Variants in AGFG2 observed in about 807,000 individuals in gnomAD.
AGFG2 encodes the protein arf-GAP domain and FG repeat-containing protein 2.
A neutral mutation model predicts 48.0 loss-of-function variants in AGFG2; 31 were observed. The observed-to-expected ratio is 0.65, with a 90% CI of 0.49 to 0.87. The LOEUF (loss-of-function observed/expected upper bound fraction) is 0.87. AGFG2 is among the 40% of genes least tolerant of loss of function. AGFG2 has a pLI of 0.00. For synonymous variants in AGFG2, 229 were observed against 260.8 expected (o/e 0.88, Z 1.18); for missense variants, 599 against 632.6 (o/e 0.95, Z 0.57).
chr7:100,565,150 G>T lies in AGFG2; in HGVS notation c.*159G>T. 1.2e-6 allele frequency: 1 copy of T among 831,094 alleles called. No homozygotes were observed. The highest frequency in any genetic ancestry group is 2.0e-6 in the Non-Finnish European group (1 of 506,164). 51.5% of individuals were successfully genotyped at this position (831,094 alleles called of 1,614,324 possible). ...TACAGGTGAAAGGTGGCTGCCCTCA[G>T]ATTCCACAAAGCCTCTCTCCCCTCC... On this transcript the variant is annotated 3_prime_UTR_variant, in exon 12 of 12. Coordinates refer to ENST00000300176, the MANE Select transcript of AGFG2 (RefSeq NM_006076.5).
intron 1 of AGFG2, among the ~76,000 whole-genome samples, chr7:100,541,869 A>G (rs1236904021): frequency 6.6e-6 from 1 of 152,194 alleles, no homozygotes; most frequent in Non-Finnish European, 1.5e-5. Flanking sequence ...ACTGATGGAT[A>G]AAATTGAGTA....
Position 100,564,243 on chromosome 7 carries a change from A to T in AGFG2, c.1326A>T (p.Ser442=), listed in dbSNP as rs750251491. The T allele has an allele frequency of 6.2e-7, 1 of 1,613,534 alleles. No individual in the cohort carries two copies. Among genetic ancestry groups the T allele is most frequent in the Non-Finnish European group, 8.5e-7 (1 of 1,179,794 alleles). ...QNGSSFGDLG[S]AKLGQRPLSQ... ...GCTCTTCCTTCGGGGACTTAGGATC[A>T]GCCAAGTTGGGGCAGAGGCCACTGA... Residue 442 remains serine, a synonymous_variant, in exon 11 of 12, where the codon TCA becomes TCT. Transcript: ENST00000300176.
In AGFG2 at chr7:100,550,414, T is replaced by C. The variant is rs556715227; in HGVS notation, c.334T>C (p.Leu112=). Residue 112 remains leucine (L), a synonymous_variant, in exon 3 of 12, where the codon TTG becomes CTG. Coordinates refer to ENST00000300176, the MANE Select transcript of AGFG2 (RefSeq NM_006076.5). ...CTTTTAGGTTTGCCGGAAGATTTGGTTGGGTCTGTTTGATGCTCGGACATC... is the reference window on the plus strand; with the variant it reads ...CTTTTAGGTTTGCCGGAAGATTTGGCTGGGTCTGTTTGATGCTCGGACATC... ...RGNEVCRKIW[L]GLFDARTSLV... The C allele has an allele frequency of 3.9e-5, 63 of 1,613,628 alleles. No individual in the cohort carries two copies. The highest frequency in any genetic ancestry group is 5.3e-5 in the Non-Finnish European group (62 of 1,179,828).
In AGFG2 at chr7:100,565,968, A is replaced by G. The variant is rs902957170; in HGVS notation, c.*977A>G. The G allele has an allele frequency of 6.6e-5, 10 of 151,866 alleles. No individual in the cohort carries two copies. Among genetic ancestry groups the G allele is most frequent in the Admixed American group, 5.9e-4 (9 of 15,180 alleles). 9.4% of individuals were successfully genotyped at this position (151,866 alleles called of 1,614,324 possible). A position where few individuals can be genotyped will look rare whatever the true frequency, so the allele number is the denominator to read the frequency against. ...CAAAGCTCATTGCAGGCAATGTTGGAAAAGAACTGCATTTGAACGAAAGAG... is the reference window on the plus strand; with the variant it reads ...CAAAGCTCATTGCAGGCAATGTTGGGAAAGAACTGCATTTGAACGAAAGAG... On this transcript the variant is annotated 3_prime_UTR_variant, in exon 12 of 12. Transcript: ENST00000300176.
At position 100,549,675 on chromosome 7, in the gene AGFG2, G is replaced by GTTTATTTA. The variant is rs762684092; in HGVS notation, c.316-699_316-692dup. On this transcript the variant is annotated intron_variant, in intron 2 of 11. Transcript: ENST00000300176. ...AGCACTGTGTCCATGCTCAATATTT[G>GTTTATTTA]TTTATTTATTTATTTATTTATTTAT... Among the ~76,000 whole-genome samples the GTTTATTTA allele has an allele frequency of 4.3e-4, 65 of 151,608 alleles. 1 individual carries two copies. The highest frequency in any genetic ancestry group is 1.0e-3 in the African/African-American group (43 of 41,240).
At chr7:100,548,742 CCCTCCT>C in intron 1 of AGFG2, 74 bp from the exon 2 acceptor site, 12 of 1,051,326 alleles carry the variant, frequency 1.1e-5, no homozygotes, top group Non-Finnish European at 1.8e-5. Flanking sequence ...CACCCTTTCT[CCCTCCT>C]CCTCCTCCTC....
intron 3 of AGFG2, 41 bp from the exon 4 acceptor site, chr7:100,553,306 T>C: frequency 6.2e-7 from 1 of 1,612,428 alleles, no homozygotes; most frequent in Non-Finnish European, 8.5e-7. Context: ...TGGTCCAAAG[T>C]TTTATCCCTC....
chr7:100,540,426 G>C (rs193179722), intron 1 of AGFG2, among the ~76,000 whole-genome samples: 189 of 152,152 alleles, frequency 1.2e-3, no homozygotes, highest in Non-Finnish European at 2.2e-3. Flanking sequence ...CTAGATTTTG[G>C]GGGGGCTTTG....
chr7:100,545,775 C>T (rs750512996), intron 1 of AGFG2, among the ~76,000 whole-genome samples: 3 of 152,176 alleles, frequency 2.0e-5, no homozygotes, highest in East Asian at 1.9e-4. Flanking sequence ...ACATCTGGTC[C>T]GCTGCATGAC....
rs1418827683 is a variant in AGFG2, at chr7:100,541,533, A to G, written c.221+1966A>G. 2.0e-5 allele frequency among the ~76,000 whole-genome samples: 3 copies of G among 151,938 alleles called. No homozygotes were observed. The South Asian group carries it at 6.2e-4, about 32-fold the overall frequency. On this transcript the variant is annotated intron_variant, in intron 1 of 11. Transcript: ENST00000300176. ...TCAGTATGTATAGGAGGCCAAGGTG[A>G]GCAGATCACTTGAGGTCAGGAGTTT...
chr7:100,554,015 G>T, intron 4 of AGFG2, 78 bp from the exon 5 acceptor site: 1 of 1,525,980 alleles, frequency 6.6e-7, no homozygotes, highest in East Asian at 2.3e-5. Flanking sequence ...GCCTATCTGA[G>T]GGCAACCTGG....
At chr7:100,543,612 C>G (rs1331238608) in intron 1 of AGFG2, among the ~76,000 whole-genome samples, 1 of 152,144 alleles carries the variant, frequency 6.6e-6, no homozygotes, top group Non-Finnish European at 1.5e-5. Context: ...TGGTTCCAGC[C>G]AAAGTTGAAT....
At chr7:100,539,986 G>A (rs1209240117) in intron 1 of AGFG2, among the ~76,000 whole-genome samples, 1 of 152,026 alleles carries the variant, frequency 6.6e-6, no homozygotes, top group African/African-American at 2.4e-5. Context: ...AAAGCAAAAA[G>A]GAAAAAGGTG....
At chr7:100,551,232 G>C (rs1800638208) in intron 3 of AGFG2, among the ~76,000 whole-genome samples, 1 of 150,440 alleles carries the variant, frequency 6.6e-6, no homozygotes, top group Non-Finnish European at 1.5e-5. Context: ...ACCACACCCA[G>C]CTAATTTTTT....
Position 100,565,045 on chromosome 7 carries a change from AGAGCTCTG to A in AGFG2, c.*56_*63del. 6.4e-7 allele frequency: 1 copy of A among 1,569,068 alleles called. No homozygotes were observed. The highest frequency in any genetic ancestry group is 8.8e-7 in the Non-Finnish European group (1 of 1,139,022). On this transcript the variant is annotated 3_prime_UTR_variant, in exon 12 of 12. Transcript: ENST00000300176. ...GCCTTCTGGGGCCCCTCTGCTCCCT[AGAGCTCTG>A]GTGACCACTTGCCTGTGGGCATTTC...
chr7:100,558,909 G>T (rs921697320), intron 6 of AGFG2, among the ~76,000 whole-genome samples: 2 of 152,106 alleles, frequency 1.3e-5, no homozygotes, highest in African/African-American at 4.8e-5. Context: ...GCTGAGTGGG[G>T]TGCATCATTT....
rs187966709 is a variant in AGFG2, at chr7:100,548,028, C to T, written c.222-794C>T. Among the ~76,000 whole-genome samples, 58 of 152,192 alleles carry T rather than the reference C, an allele frequency of 3.8e-4. No individual in the cohort carries two copies. In the East Asian group the frequency reaches 8.1e-3, roughly 21 times the overall value. ...CTGGGCCTTCATTTTTGCCTTCCCT[C>T]ATGCTTGAAGGATTTGTGTTTTTGT... On this transcript the variant is annotated intron_variant, in intron 1 of 11. Coordinates refer to ENST00000300176, the MANE Select transcript of AGFG2 (RefSeq NM_006076.5).
At chr7:100,552,669 G>T (rs1800671103) in intron 3 of AGFG2, among the ~76,000 whole-genome samples, 1 of 152,166 alleles carries the variant, frequency 6.6e-6, no homozygotes, top group Non-Finnish European at 1.5e-5. Flanking sequence ...TCCCTCCTAG[G>T]GATGTCCTCA....
intron 3 of AGFG2, 111 bp from the exon 4 acceptor site, chr7:100,553,236 G>A: frequency 7.4e-7 from 1 of 1,344,700 alleles, no homozygotes; most frequent in Non-Finnish European, 1.0e-6. Context: ...AAGGGAATCA[G>A]TAGAGAAAAA....
Sources: gnomAD v4.1 joint callset for allele counts (sites outside exome capture counted in the v4.1 genomes callset) on GRCh38, gnomAD v4.1.1 for gene constraint, MANE v1.5 for transcripts, NCBI Gene and HGNC (gene_info 2026-07-23, HGNC 2026-07-21) for gene names.